The following LUC7L2 variants were observed in gnomAD, a reference collection of about 807,000 sequenced individuals.
The protein encoded by LUC7L2 is putative RNA-binding protein Luc7-like 2.
Under a neutral mutation model 52.8 loss-of-function variants are expected in LUC7L2, and 25 were observed. That is an observed-to-expected ratio of 0.47 (90% CI 0.34 to 0.66). LUC7L2 has a LOEUF of 0.66. Among genes scored for constraint, LUC7L2 ranks in the 30% least tolerant of loss-of-function variants. The pLI is 0.01. For missense variants in LUC7L2, 328 were observed against 497.8 expected (o/e 0.66, Z 3.25); for synonymous variants, 144 against 160.9 (o/e 0.89, Z 0.80).
Position 139,360,104 on chromosome 7 carries a change from C to T in LUC7L2, c.-158C>T, listed in dbSNP as rs541797034. On this transcript the variant is annotated 5_prime_UTR_variant, in exon 1 of 10. Coordinates refer to ENST00000354926, the MANE Select transcript of LUC7L2 (RefSeq NM_016019.5). ...CGTCGTGAGGAGCGCAGTCCGGACT[C>T]TTCCCGCAACCCCTCCGGCTCCCTT... 3.4e-5 allele frequency: 20 copies of T among 589,408 alleles called. No homozygotes were observed. The African/African-American group carries it at 3.9e-4, about 11-fold the overall frequency. 36.5% of individuals were successfully genotyped at this position (589,408 alleles called of 1,614,324 possible).
chr7:139,418,596 A>G (rs1317417073), intron 9 of LUC7L2, among the ~76,000 whole-genome samples: 1 of 152,134 alleles, frequency 6.6e-6, no homozygotes, highest in Non-Finnish European at 1.5e-5. Flanking sequence ...AGCTGTTAAA[A>G]TCTTTCCTAT....
intron 1 of LUC7L2, among the ~76,000 whole-genome samples, chr7:139,369,804 A>T (rs903938190): frequency 1.3e-5 from 2 of 152,046 alleles, no homozygotes; most frequent in African/African-American, 4.8e-5. Context: ...TGTCATGGGG[A>T]TTATGGTGGG....
intron 1 of LUC7L2, chr7:139,374,804 A>G (rs1800623362): frequency 9.0e-7 from 1 of 1,106,504 alleles, no homozygotes; most frequent in African/African-American, 1.6e-5. Flanking sequence ...GATAGTGTTT[A>G]GTTGAATTTA....
At chr7:139,374,517 A>G (rs1237555408) in intron 1 of LUC7L2, 1 of 1,549,330 alleles carries the variant, frequency 6.5e-7, no homozygotes, top group African/African-American at 1.4e-5. Context: ...ATGTGGAACA[A>G]AAGCAGTTGT....
intron 1 of LUC7L2, chr7:139,374,576 G>C: frequency 6.5e-7 from 1 of 1,540,868 alleles, no homozygotes; most frequent in South Asian, 1.2e-5. Context: ...ATAGTAGCAG[G>C]CGTAAACACT....
chr7:139,404,050 A>G (rs960568794), intron 4 of LUC7L2, among the ~76,000 whole-genome samples: 2 of 152,256 alleles, frequency 1.3e-5, no homozygotes, highest in East Asian at 1.9e-4. Flanking sequence ...TAGTCATTCA[A>G]TGATACATTT....
chr7:139,340,783 T>C (rs940478859), intron 1 of LUC7L2, among the ~76,000 whole-genome samples: 5 of 151,170 alleles, frequency 3.3e-5, no homozygotes, highest in African/African-American at 4.8e-5. Flanking sequence ...GCCTGTGACT[T>C]TTGTCCTTTT....
At chr7:139,341,003 G>C in intron 1 of LUC7L2, 1 of 188,356 alleles carries the variant, frequency 5.3e-6, no homozygotes, top group South Asian at 1.5e-4. Context: ...ATTTAAAAAT[G>C]TCTTCTCAGC....
intron 1 of LUC7L2, chr7:139,341,371 A>C: frequency 6.2e-7 from 1 of 1,603,658 alleles, no homozygotes; most frequent in East Asian, 2.2e-5. Context: ...CCACGCTCGG[A>C]GAAGGACAGG....
Position 139,400,321 on chromosome 7 carries a change from C to T in LUC7L2, c.255+1624C>T, listed in dbSNP as rs1397239796. 2.6e-5 allele frequency among the ~76,000 whole-genome samples: 4 copies of T among 152,138 alleles called. No individual in the cohort carries two copies. The Middle Eastern group carries it at 0.01, about 388-fold the overall frequency. On this transcript the variant is annotated intron_variant, in intron 3 of 9. Coordinates refer to ENST00000354926, the MANE Select transcript of LUC7L2 (RefSeq NM_016019.5). Reference sequence around the variant, plus strand: ...GTCAGTAGTTCAAGACCAGCCTGGCCAACATGGTGAAACCCCATCTCTACT... The same window carrying T: ...GTCAGTAGTTCAAGACCAGCCTGGCTAACATGGTGAAACCCCATCTCTACT...
chr7:139,368,012 AG>A (rs1219287542), intron 1 of LUC7L2, among the ~76,000 whole-genome samples: 2 of 152,222 alleles, frequency 1.3e-5, no homozygotes, highest in African/African-American at 4.8e-5. Context: ...AGGACTAAGC[AG>A]TCGATTCACG....
chr7:139,342,141 CTG>C (rs1799010963), intron 1 of LUC7L2, among the ~76,000 whole-genome samples: 1 of 152,096 alleles, frequency 6.6e-6, no homozygotes, highest in African/African-American at 2.4e-5. Context: ...ACGTTAGGGT[CTG>C]TGCTAGGAAC....
chr7:139,375,019 G>A (rs1800634915), intron 1 of LUC7L2: 2 of 984,680 alleles, frequency 2.0e-6, no homozygotes, highest in Non-Finnish European at 2.4e-6. Context: ...TCACCAGTAG[G>A]TTTTCATTCA....
At chr7:139,360,343 T>C in intron 1 of LUC7L2, 21 bp downstream of exon 1, 1 of 1,354,812 alleles carries the variant, frequency 7.4e-7, no homozygotes. Flanking sequence ...GCCAGGGCCC[T>C]GGGGGTGGGG....
intron 3 of LUC7L2, among the ~76,000 whole-genome samples, chr7:139,399,449 ATTTTTTTTTTTTTTTTTTTTT>A (rs71169090): frequency 4.0e-4 from 20 of 50,458 alleles, no homozygotes; most frequent in Middle Eastern, 0.013. Context: ...TGTTTGGGGG[ATTTTTTTTTTTTTTTTTTTTT>A]TTTTTTTTTT....
chr7:139,406,350 G>A (rs1017725407), intron 5 of LUC7L2, among the ~76,000 whole-genome samples: 9 of 135,386 alleles, frequency 6.6e-5, no homozygotes, highest in Non-Finnish European at 1.4e-4. Context: ...CTGCACCAGG[G>A]CCTTTTTTTT....
chr7:139,367,954 C>T (rs1569370131), intron 1 of LUC7L2, among the ~76,000 whole-genome samples: 4 of 152,190 alleles, frequency 2.6e-5, no homozygotes, highest in Non-Finnish European at 5.9e-5. Context: ...GGGAAAGTGG[C>T]TGTGAGCCTG....
chr7:139,411,443 CCCACCCCCACT>C (rs1569393728), intron 7 of LUC7L2, among the ~76,000 whole-genome samples: 1 of 151,854 alleles, frequency 6.6e-6, no homozygotes, highest in East Asian at 1.9e-4. Context: ...CTTTATAAAC[CCCACCCCCACT>C]CCACCCCAGT....
At chr7:139,341,229 G>A (rs561566891) in intron 1 of LUC7L2, 3 of 1,336,026 alleles carry the variant, frequency 2.2e-6, no homozygotes, top group South Asian at 1.6e-5. Flanking sequence ...GATTAATAAG[G>A]TTCGGTCAAC....
Sources: allele counts gnomAD v4.1 joint callset (sites outside exome capture counted in the v4.1 genomes callset), GRCh38; gene constraint gnomAD v4.1.1; transcripts MANE v1.5; gene names NCBI Gene and HGNC (gene_info 2026-07-23, HGNC 2026-07-21).